Variants in CCDC138 observed in about 807,000 individuals in gnomAD.
CCDC138 encodes coiled-coil domain-containing protein 138.
Under a neutral mutation model 82.3 loss-of-function variants are expected in CCDC138, and 66 were observed. The observed-to-expected ratio is 0.80, with a 90% CI of 0.66 to 0.98. The LOEUF is 0.98. Among genes scored for constraint, CCDC138 ranks in the 50% least tolerant of loss-of-function variants. The probability of loss-of-function intolerance (pLI) is 0.00; values close to 1 mark genes in which losing one functional copy is unlikely to be tolerated. For synonymous variants in CCDC138, 297 were observed against 265.4 expected, an observed-to-expected ratio of 1.12 and a Z score of -1.16; for missense variants, 816 against 758.9, an observed-to-expected ratio of 1.08 and a Z score of -0.88.
intron 3 of CCDC138, among the ~76,000 whole-genome samples, chr2:108,790,070 C>T (rs1679648698): frequency 6.6e-6 from 1 of 152,048 alleles, no homozygotes; most frequent in African/African-American, 2.4e-5. Flanking sequence ...TTTTCTCTTT[C>T]TCTACTTAAA....
intron 13 of CCDC138, among the ~76,000 whole-genome samples, chr2:108,873,191 A>G (rs1232440981): frequency 6.6e-6 from 1 of 152,194 alleles, no homozygotes; most frequent in Non-Finnish European, 1.5e-5. Context: ...CTTTCTTTCA[A>G]ACATGGGATT....
chr2:108,795,719 A>G (rs1393146763), intron 5 of CCDC138, among the ~76,000 whole-genome samples: 3 of 152,240 alleles, frequency 2.0e-5, no homozygotes, highest in African/African-American at 7.2e-5. Flanking sequence ...GAGAAAGATA[A>G]TAGTGGAAAG....
At chr2:108,821,000 T>C (rs1198505952) in intron 10 of CCDC138, among the ~76,000 whole-genome samples, 2 of 119,846 alleles carry the variant, frequency 1.7e-5, no homozygotes, top group African/African-American at 6.0e-5. Flanking sequence ...TTGCATAGAA[T>C]GTAACAGACA....
chr2:108,848,150 AATCATTT>A (rs1271603790), intron 12 of CCDC138, among the ~76,000 whole-genome samples: 1 of 152,240 alleles, frequency 6.6e-6, no homozygotes, highest in African/African-American at 2.4e-5. Flanking sequence ...AAAAATTATT[AATCATTT>A]ATCATTTAAC....
intron 13 of CCDC138, among the ~76,000 whole-genome samples, chr2:108,860,688 A>G (rs541642390): frequency 8.3e-4 from 126 of 151,958 alleles, no homozygotes; most frequent in African/African-American, 2.9e-3. Context: ...TTGATGTGCT[A>G]CTAGGTTCCG....
intron 11 of CCDC138, among the ~76,000 whole-genome samples, chr2:108,843,844 T>TTG (rs71383805): frequency 0.014 from 309 of 22,812 alleles, 6 homozygotes; most frequent in Middle Eastern, 0.12. Flanking sequence ...AGTTCATGTT[T>TTG]TGTGTGTGTG....
At chr2:108,833,626 A>G (rs1460861968) in intron 10 of CCDC138, among the ~76,000 whole-genome samples, 1 of 152,212 alleles carries the variant, frequency 6.6e-6, no homozygotes, top group African/African-American at 2.4e-5. Context: ...TTTGCAGGCC[A>G]AAAAGCAAAG....
At position 108,812,831 on chromosome 2, in the gene CCDC138, G is replaced by A. The variant is rs185309290; in HGVS notation, c.945G>A (p.Glu315=). The A allele has an allele frequency of 1.8e-4, 291 of 1,613,158 alleles. 3 individuals carry two copies. In the Admixed American group the frequency reaches 4.7e-3, roughly 26 times the overall value. ...ATATACTGTTGCAGAGGAAGTACGA[G>A]TTTATGACAATACAGAGATTGAAAG... ...ARLDNLQRKY[E]FMTIQRLKGS... The change falls in exon 9 of 15, where the codon GAG becomes GAA. Residue 315 remains glutamate (E), a synonymous_variant. Coordinates refer to ENST00000295124, the MANE Select transcript of CCDC138 (RefSeq NM_144978.3).
intron 7 of CCDC138, among the ~76,000 whole-genome samples, chr2:108,806,575 C>G (rs1218635104): frequency 6.6e-6 from 1 of 152,110 alleles, no homozygotes; most frequent in Non-Finnish European, 1.5e-5. Flanking sequence ...TGTGGTCTCT[C>G]TTTCAGTGAC....
chr2:108,813,018 GAT>G, intron 9 of CCDC138, 91 bp downstream of exon 9: 4 of 971,272 alleles, frequency 4.1e-6, no homozygotes, highest in South Asian at 1.5e-5. Context: ...GGGAGGCTGA[GAT>G]GGGCGGATCA....
chr2:108,787,602 T>A (rs1049869417), intron 1 of CCDC138, among the ~76,000 whole-genome samples: 32 of 152,166 alleles, frequency 2.1e-4, no homozygotes, highest in African/African-American at 7.5e-4. Flanking sequence ...ATAGGAAAAT[T>A]TTTTCCTAGT....
At chr2:108,846,637 A>T in intron 11 of CCDC138, 101 bp from the exon 12 acceptor site, 2 of 955,916 alleles carry the variant, frequency 2.1e-6, no homozygotes, top group South Asian at 1.6e-5. Flanking sequence ...TGATTGCGCT[A>T]CTGCATTCCA....
chr2:108,807,650 T>C (rs531448744), intron 7 of CCDC138, among the ~76,000 whole-genome samples: 1 of 152,202 alleles, frequency 6.6e-6, no homozygotes, highest in Non-Finnish European at 1.5e-5. Flanking sequence ...ATGAGTCTCA[T>C]TCTGATGCCC....
intron 13 of CCDC138, among the ~76,000 whole-genome samples, chr2:108,857,821 AAAAC>A (rs1692871970): frequency 6.6e-6 from 1 of 152,238 alleles, no homozygotes; most frequent in Admixed American, 6.5e-5. Context: ...TTTAATGAGA[AAAAC>A]AAAAATCATA....
At chr2:108,793,589 T>TTTTTG (rs933184709) in intron 4 of CCDC138, among the ~76,000 whole-genome samples, 62 of 151,964 alleles carry the variant, frequency 4.1e-4, no homozygotes, top group Middle Eastern at 3.4e-3. Context: ...AGGAAACTTT[T>TTTTTG]TTTTGTTTTG....
intron 1 of CCDC138, 117 bp downstream of exon 1, chr2:108,787,032 C>G (rs952828533): frequency 1.8e-6 from 1 of 542,330 alleles, no homozygotes; most frequent in Non-Finnish European, 2.8e-6. Flanking sequence ...CCCCGGCACT[C>G]CCGCCGTGGC....
intron 6 of CCDC138, among the ~76,000 whole-genome samples, chr2:108,800,112 G>A (rs1337433145): frequency 6.6e-6 from 1 of 152,002 alleles, no homozygotes; most frequent in Non-Finnish European, 1.5e-5. Context: ...TTGAGGCTTA[G>A]TCACATTGTT....
chr2:108,810,391 C>T (rs1362865137), intron 7 of CCDC138, among the ~76,000 whole-genome samples: 1 of 152,134 alleles, frequency 6.6e-6, no homozygotes, highest in African/African-American at 2.4e-5. Flanking sequence ...TTTTCTGTGT[C>T]TATTGAAATG....
chr2:108,835,502 A>G (rs1271436447), intron 10 of CCDC138, among the ~76,000 whole-genome samples: 1 of 152,226 alleles, frequency 6.6e-6, no homozygotes, highest in Admixed American at 6.5e-5. Context: ...ATGATAACAC[A>G]TGATATATTC....
Sources: allele counts gnomAD v4.1 joint callset (sites outside exome capture counted in the v4.1 genomes callset), GRCh38; gene constraint gnomAD v4.1.1; transcripts MANE v1.5; gene names NCBI Gene and HGNC (gene_info 2026-07-23, HGNC 2026-07-21).